Variants in SNTG1 observed in about 807,000 individuals in gnomAD.
The protein encoded by SNTG1 is gamma-1-syntrophin.
SNTG1 carries 39 observed loss-of-function variants against 74.7 expected under a neutral mutation model. The ratio of observed to expected loss-of-function variants is 0.52; its 90% CI spans 0.40 to 0.68. The LOEUF (loss-of-function observed/expected upper bound fraction) is 0.68, where lower values mean the gene tolerates loss of function less well. Among genes scored for constraint, SNTG1 ranks in the 30% least tolerant of loss-of-function variants. The pLI is 0.00. For synonymous variants in SNTG1, 254 were observed against 217.1 expected (o/e 1.17, Z -1.49); for missense variants, 685 against 609.5 (o/e 1.12, Z -1.30).
chr8:50,279,944 G>A (rs181683265), intron 2 of SNTG1, among the ~76,000 whole-genome samples: 13 of 152,304 alleles, frequency 8.5e-5, no homozygotes, highest in African/African-American at 2.9e-4. Flanking sequence ...AGCAGAGAGG[G>A]AGACACCCTT....
At chr8:50,460,016 G>T (rs1190426178) in intron 8 of SNTG1, among the ~76,000 whole-genome samples, 1 of 152,116 alleles carries the variant, frequency 6.6e-6, no homozygotes, top group Non-Finnish European at 1.5e-5. Context: ...TTTTATTTTG[G>T]ATATATACCC....
chr8:50,682,688 C>G (rs547433074), intron 15 of SNTG1, among the ~76,000 whole-genome samples: 6 of 152,138 alleles, frequency 3.9e-5, no homozygotes, highest in East Asian at 1.9e-4. Context: ...TATCAGTTTC[C>G]AGTTTGACTC....
intron 8 of SNTG1, among the ~76,000 whole-genome samples, chr8:50,459,493 C>T (rs189956203): frequency 1.1e-4 from 17 of 151,730 alleles, no homozygotes; most frequent in Non-Finnish European, 4.4e-5. Context: ...ATGAAATATA[C>T]CCTTTTTATG....
intron 2 of SNTG1, among the ~76,000 whole-genome samples, chr8:50,234,378 G>GT (rs1437884681): frequency 2.6e-5 from 4 of 151,776 alleles, no homozygotes; most frequent in Non-Finnish European, 5.9e-5. Flanking sequence ...CGTGGGTTAG[G>GT]GGTGTGTGTG....
At chr8:50,391,882 A>G (rs1242506163) in intron 2 of SNTG1, among the ~76,000 whole-genome samples, 1 of 152,188 alleles carries the variant, frequency 6.6e-6, no homozygotes, top group East Asian at 1.9e-4. Context: ...ATAATAGTTA[A>G]AAAGAACATC....
At position 50,288,231 on chromosome 8, in the gene SNTG1, T is replaced by A. The variant is rs1008490186; in HGVS notation, c.-27-105981T>A. Among the ~76,000 whole-genome samples, 2 of 152,178 alleles carry A rather than the reference T, an allele frequency of 1.3e-5. 1 individual carries two copies. The highest frequency in any genetic ancestry group is 4.8e-5 in the African/African-American group (2 of 41,434). ...TTTGGTCTTCTCAAAAGGATTAAGATTGCACACATCTACAACTCTCATATT... is the reference window on the plus strand; with the variant it reads ...TTTGGTCTTCTCAAAAGGATTAAGAATGCACACATCTACAACTCTCATATT... On this transcript the variant is annotated intron_variant, in intron 2 of 18. Coordinates refer to ENST00000642720, the MANE Select transcript of SNTG1 (RefSeq NM_018967.5).
At chr8:49,935,787 G>A (rs1385470855) in intron 1 of SNTG1, among the ~76,000 whole-genome samples, 1 of 152,160 alleles carries the variant, frequency 6.6e-6, no homozygotes, top group Non-Finnish European at 1.5e-5. Flanking sequence ...ACCCAACACT[G>A]CAATTCACCT....
chr8:50,741,115 C>A (rs1325000011), intron 17 of SNTG1, among the ~76,000 whole-genome samples: 1 of 151,926 alleles, frequency 6.6e-6, no homozygotes, highest in Non-Finnish European at 1.5e-5. Context: ...ACATAACAAA[C>A]CTTCACAAGA....
intron 8 of SNTG1, among the ~76,000 whole-genome samples, chr8:50,457,748 C>A (rs1020693339): frequency 6.6e-6 from 1 of 152,068 alleles, no homozygotes; most frequent in Non-Finnish European, 1.5e-5. Flanking sequence ...AGACAGCAAT[C>A]GCGAATGGGA....
chr8:50,616,009 G>A (rs143093494), intron 13 of SNTG1, among the ~76,000 whole-genome samples: 194 of 152,302 alleles, frequency 1.3e-3, no homozygotes, highest in Middle Eastern at 3.4e-3. Context: ...CTGTATTAAG[G>A]CTTGAGACAC....
At chr8:50,215,425 T>TTA (rs1373739850) in intron 2 of SNTG1, among the ~76,000 whole-genome samples, 2 of 147,126 alleles carry the variant, frequency 1.4e-5, no homozygotes, top group Non-Finnish European at 3.0e-5. Context: ...TATATATATT[T>TTA]TATATATATA....
intron 8 of SNTG1, among the ~76,000 whole-genome samples, chr8:50,494,803 GA>G (rs779065554): frequency 6.6e-6 from 1 of 151,912 alleles, no homozygotes; most frequent in African/African-American, 2.4e-5. Flanking sequence ...TGAAAACAAT[GA>G]ATTATTTTCA....
intron 13 of SNTG1, among the ~76,000 whole-genome samples, chr8:50,604,437 A>G (rs77489258): frequency 3.3e-5 from 5 of 152,058 alleles, no homozygotes; most frequent in Non-Finnish European, 5.9e-5. Flanking sequence ...AAAAAAAAAA[A>G]GAAAACCTTA....
chr8:50,000,417 C>T (rs578202257), intron 1 of SNTG1, among the ~76,000 whole-genome samples: 15 of 152,022 alleles, frequency 9.9e-5, no homozygotes, highest in Non-Finnish European at 1.8e-4. Context: ...GCTGCTCCTC[C>T]GAGTTGTTCT....
intron 13 of SNTG1, among the ~76,000 whole-genome samples, chr8:50,653,085 A>T (rs1170939755): frequency 2.0e-5 from 3 of 152,000 alleles, no homozygotes; most frequent in East Asian, 3.9e-4. Context: ...GACAGAATAT[A>T]GGGTTTTTCT....
Position 50,259,135 on chromosome 8 carries a change from A to G in SNTG1, c.-28+86500A>G, listed in dbSNP as rs767196272. On this transcript the variant is annotated intron_variant, in intron 2 of 18. Coordinates refer to ENST00000642720, the MANE Select transcript of SNTG1 (RefSeq NM_018967.5). ...ATGGAATACTGAAGTCAGCGTAATGACATATTCAAAATTCTGAAAGAATTA... is the reference window on the plus strand; with the variant it reads ...ATGGAATACTGAAGTCAGCGTAATGGCATATTCAAAATTCTGAAAGAATTA... Among the ~76,000 whole-genome samples the G allele has an allele frequency of 1.4e-3, 218 of 152,296 alleles. 1 individual carries two copies. The highest frequency in any genetic ancestry group is 2.8e-3 in the Non-Finnish European group (191 of 68,030).
intron 2 of SNTG1, among the ~76,000 whole-genome samples, chr8:50,206,598 A>G (rs1026484827): frequency 6.6e-6 from 1 of 152,084 alleles, no homozygotes; most frequent in Non-Finnish European, 1.5e-5. Context: ...AACTTCCAAC[A>G]CTATTTTGAC....
At chr8:49,968,993 G>C (rs1811394602) in intron 1 of SNTG1, among the ~76,000 whole-genome samples, 3 of 152,280 alleles carry the variant, frequency 2.0e-5, no homozygotes, top group African/African-American at 7.2e-5. Context: ...ATAAAGTCTG[G>C]AGGAAGGGGA....
At chr8:50,320,583 G>A (rs2090488795) in intron 2 of SNTG1, among the ~76,000 whole-genome samples, 2 of 150,364 alleles carry the variant, frequency 1.3e-5, no homozygotes, top group East Asian at 2.0e-4. Context: ...GACATTTCTA[G>A]TTCTTTAGGA....
Sources: allele counts gnomAD v4.1 joint callset (sites outside exome capture counted in the v4.1 genomes callset), GRCh38; gene constraint gnomAD v4.1.1; transcripts MANE v1.5; gene names NCBI Gene and HGNC (gene_info 2026-07-23, HGNC 2026-07-21).